ZER1: variants seen among roughly 807,000 people sequenced by gnomAD.
The protein encoded by ZER1 is protein zer-1 homolog.
Under a neutral mutation model 78.8 loss-of-function variants are expected in ZER1, and 11 were observed. The observed-to-expected ratio is 0.14, with a 90% CI of 0.09 to 0.23. ZER1 has a LOEUF of 0.23. Ranked by LOEUF, ZER1 falls within the 10% of genes least tolerant of loss-of-function variation. The pLI is 1.00. For synonymous variants in ZER1, 400 were observed against 407.0 expected, an observed-to-expected ratio of 0.98 and a Z score of 0.21; for missense variants, 588 against 996.9, an observed-to-expected ratio of 0.59 and a Z score of 5.52.
intron 8 of ZER1, among the ~76,000 whole-genome samples, chr9:128,747,460 A>T (rs1462650351): frequency 6.6e-6 from 1 of 152,200 alleles, no homozygotes; most frequent in Non-Finnish European, 1.5e-5. Context: ...AGGACACTGA[A>T]CATATGCTGG....
rs1378929737 is a variant in ZER1, at chr9:128,740,513, G to C, written c.1853+259C>G. Among the ~76,000 whole-genome samples the C allele has an allele frequency of 6.6e-6, 1 of 151,500 alleles. No homozygotes were observed. Among genetic ancestry groups the C allele is most frequent in the Non-Finnish European group, 1.5e-5 (1 of 67,984 alleles). ...GAGAATGGCGTGAACCCGGGAGGCA[G>C]AGCTTGCAGTGAGCCTAGATTGTGC... On this transcript the variant is annotated intron_variant, in intron 12 of 15. Transcript: ENST00000291900. The surrounding 1 kb of genome is among the most constrained non-coding windows in gnomAD (Gnocchi z 4.4).
At position 128,741,715 on chromosome 9, in the gene ZER1, C is replaced by A. The variant is rs1377448426; in HGVS notation, c.1618-61G>T. 6.2e-7 allele frequency: 1 copy of A among 1,613,798 alleles called. No homozygotes were observed. The highest frequency in any genetic ancestry group is 8.5e-7 in the Non-Finnish European group (1 of 1,179,980). ...GGTACCCGGGGAGGGGGGCCCCTGA[C>A]AAAACACAGACCTCCCCCAGGGGCA... On this transcript the variant is annotated intron_variant, in intron 10 of 15. Coordinates refer to ENST00000291900, the MANE Select transcript of ZER1 (RefSeq NM_006336.4).
intron 1 of ZER1, among the ~76,000 whole-genome samples, chr9:128,760,611 G>A (rs1428459464): frequency 6.6e-6 from 1 of 151,936 alleles, no homozygotes; most frequent in East Asian, 1.9e-4. Flanking sequence ...GGCCAACATA[G>A]TGAAACCCCG....
At position 128,755,993 on chromosome 9, in the gene ZER1, G is replaced by A. The variant is rs1049244097; in HGVS notation, c.-94-334C>T. Among the ~76,000 whole-genome samples the A allele has an allele frequency of 1.3e-5, 2 of 152,198 alleles. No individual in the cohort carries two copies. Among genetic ancestry groups the A allele is most frequent in the Non-Finnish European group, 2.9e-5 (2 of 68,042 alleles). ...GAAGAGCTACACTGGGGTGTTCCAT[G>A]CTGTGCAGTACTTCCTAACCTGTAT... On this transcript the variant is annotated intron_variant, in intron 1 of 15. Coordinates refer to ENST00000291900, the MANE Select transcript of ZER1 (RefSeq NM_006336.4). The surrounding 1 kb of genome is among the most constrained non-coding windows in gnomAD (Gnocchi z 5.6).
Position 128,730,861 on chromosome 9 carries a change from G to A in ZER1, c.*476C>T, listed in dbSNP as rs1129169. ...ACCCCATCAGCTGTGCCCGGGAGCC[G>A]AGATGGCGTTCTCAGGCAGGGGCAG... On this transcript the variant is annotated 3_prime_UTR_variant, in exon 16 of 16. Coordinates refer to ENST00000291900, the MANE Select transcript of ZER1 (RefSeq NM_006336.4). The A allele has an allele frequency of 0.43, 65,705 of 152,646 alleles. 17,313 individuals are homozygous for A. The highest frequency in any genetic ancestry group is 0.57 in the Non-Finnish European group (38,881 of 68,092). 9.5% of individuals were successfully genotyped at this position (152,646 alleles called of 1,614,324 possible).
At chr9:128,735,485 T>G in intron 13 of ZER1, 54 bp from the exon 14 acceptor site, 2 of 1,534,682 alleles carry the variant, frequency 1.3e-6, no homozygotes, top group Non-Finnish European at 1.8e-6. Flanking sequence ...GGAGTGTGTC[T>G]TTTCTTGTCT....
chr9:128,735,237 C>T, intron 14 of ZER1, 97 bp downstream of exon 14: 9 of 1,122,528 alleles, frequency 8.0e-6, no homozygotes, highest in South Asian at 1.6e-5. Context: ...AAGCTGACAG[C>T]AGCAATTAAT....
chr9:128,752,531 G>A (rs1428255798), intron 5 of ZER1, 142 bp downstream of exon 5: 1 of 892,346 alleles, frequency 1.1e-6, no homozygotes, highest in Non-Finnish European at 1.6e-6. Flanking sequence ...ATGTTGGCCA[G>A]GCTGGTCTCT....
chr9:128,755,768 G>T lies in ZER1; in HGVS notation c.-94-109C>A. The T allele has an allele frequency of 1.6e-6, 1 of 637,120 alleles. No homozygotes were observed. The highest frequency in any genetic ancestry group is 2.6e-6 in the Non-Finnish European group (1 of 382,852). 39.5% of individuals were successfully genotyped at this position (637,120 alleles called of 1,614,324 possible). The stretch of plus-strand genomic sequence containing the variant: ...AACTGAGACCACACTCCAATTAGCA[G>T]CTTAGCAGGGCCAGGCCCAGGTCTC... On this transcript the variant is annotated intron_variant, in intron 1 of 15. Transcript: ENST00000291900. The surrounding 1 kb of genome is among the most constrained non-coding windows in gnomAD (Gnocchi z 5.6).
At chr9:128,738,012 TTTC>T (rs1239168728) in intron 13 of ZER1, among the ~76,000 whole-genome samples, 2 of 150,618 alleles carry the variant, frequency 1.3e-5, no homozygotes, top group African/African-American at 4.9e-5. Flanking sequence ...CCTGTTTTGT[TTTC>T]TTGTTTTTTT....
chr9:128,754,696 T>C lies in ZER1; in HGVS notation c.158+712A>G, dbSNP rs140201924. Among the ~76,000 whole-genome samples the C allele has an allele frequency of 3.4e-3, 519 of 152,204 alleles. 9 individuals are homozygous for C. The East Asian group carries it at 0.035, about 10-fold the overall frequency. ...CCCTTCTGGGAATCTTTTTCTTTTT[T>C]TTTTTTTGGTAGAGACAAGGTCTCG... On this transcript the variant is annotated intron_variant, in intron 2 of 15. Transcript: ENST00000291900. This position sits in a 1 kb window ranked among gnomAD's most constrained non-coding sequence, Gnocchi z 4.3.
At chr9:128,747,601 G>A (rs1237576326) in intron 8 of ZER1, among the ~76,000 whole-genome samples, 1 of 152,044 alleles carries the variant, frequency 6.6e-6, no homozygotes, top group African/African-American at 2.4e-5. Context: ...TAAGCATTTA[G>A]GTATCTTTTT....
Position 128,741,621 on chromosome 9 carries a change from G to A in ZER1, c.1651C>T (p.Leu551=). 2 of 1,614,146 alleles carry A rather than the reference G, an allele frequency of 1.2e-6. No homozygotes were observed. Among genetic ancestry groups the A allele is most frequent in the Non-Finnish European group, 1.7e-6 (2 of 1,180,018 alleles). Residue 551 remains leucine, a synonymous_variant, in exon 11 of 16, where the codon CTG becomes TTG. Coordinates refer to ENST00000291900, the MANE Select transcript of ZER1 (RefSeq NM_006336.4). Reference sequence around the variant, plus strand: ...GGAGTTTCATCTGTGATGTTCCACAGGGCACTCCAGGAGAACTCCATGACC... The same window carrying A: ...GGAGTTTCATCTGTGATGTTCCACAAGGCACTCCAGGAGAACTCCATGACC... ...DQVMEFSWSA[L]WNITDETPDN...
intron 8 of ZER1, among the ~76,000 whole-genome samples, chr9:128,745,035 C>T (rs1863439489): frequency 6.6e-6 from 1 of 152,068 alleles, no homozygotes; most frequent in African/African-American, 2.4e-5. Context: ...TTCTGGGTCA[C>T]AAGATGTACA....
intron 1 of ZER1, among the ~76,000 whole-genome samples, chr9:128,767,049 TCTC>T (rs944747114): frequency 2.6e-5 from 4 of 151,362 alleles, no homozygotes; most frequent in Non-Finnish European, 5.9e-5. Context: ...TTCAGGCAAT[TCTC>T]CTGCCTCAGC....
At chr9:128,750,163 A>G (rs1863627474) in intron 8 of ZER1, among the ~76,000 whole-genome samples, 1 of 152,256 alleles carries the variant, frequency 6.6e-6, no homozygotes, top group Non-Finnish European at 1.5e-5. Flanking sequence ...TTTACAAAAT[A>G]TGTGTGCATA....
Position 128,754,053 on chromosome 9 carries a change from A to G in ZER1, c.159-94T>C. ...CCTCCTCCCCCTGAAGCTTTCTTGG[A>G]TCACCCCAAGTAGCAACCTCCTTCT... On this transcript the variant is annotated intron_variant, in intron 2 of 15. Transcript: ENST00000291900. The surrounding 1 kb of genome is among the most constrained non-coding windows in gnomAD (Gnocchi z 4.3). 1.4e-6 allele frequency: 2 copies of G among 1,472,158 alleles called. No homozygotes were observed. 91.2% of individuals were successfully genotyped at this position (1,472,158 alleles called of 1,614,324 possible).
In ZER1 at chr9:128,765,267, G is replaced by A. The variant is rs535328338; in HGVS notation, c.-95+6314C>T. Among the ~76,000 whole-genome samples, 10 of 151,814 alleles carry A rather than the reference G, an allele frequency of 6.6e-5. No individual in the cohort carries two copies. In the South Asian group the frequency reaches 1.0e-3, roughly 16 times the overall value. Reference sequence around the variant, plus strand: ...CACACACACGTGCGCAAGCGCGCACGCACCTGTATCCTTGGTGTCTGACTT... The same window carrying A: ...CACACACACGTGCGCAAGCGCGCACACACCTGTATCCTTGGTGTCTGACTT... On this transcript the variant is annotated intron_variant, in intron 1 of 15. Coordinates refer to ENST00000291900, the MANE Select transcript of ZER1 (RefSeq NM_006336.4).
In ZER1 at chr9:128,732,671, C is replaced by T. The variant is rs985815154; in HGVS notation, c.2243+755G>A. The stretch of plus-strand genomic sequence containing the variant: ...GTGAGCCACTTCGCCTGGCCAGTAG[C>T]GCCTTTGGCCAGATATAATAGCAGA... On this transcript the variant is annotated intron_variant, in intron 15 of 15. Transcript: ENST00000291900. This position sits in a 1 kb window ranked among gnomAD's most constrained non-coding sequence, Gnocchi z 4.8. Among the ~76,000 whole-genome samples the T allele has an allele frequency of 1.3e-5, 2 of 152,154 alleles. No individual in the cohort carries two copies. The highest frequency in any genetic ancestry group is 2.4e-5 in the African/African-American group (1 of 41,436).
Sources: allele counts gnomAD v4.1 joint callset (sites outside exome capture counted in the v4.1 genomes callset), GRCh38; gene constraint gnomAD v4.1.1; non-coding constraint Gnocchi (gnomAD v3.1); transcripts MANE v1.5; gene names NCBI Gene and HGNC (gene_info 2026-07-23, HGNC 2026-07-21).